Variants in LNPEP observed in about 807,000 individuals in gnomAD.
The protein encoded by LNPEP is leucyl and cystinyl aminopeptidase, also known as leucyl-cystinyl aminopeptidase.
In LNPEP, 64 loss-of-function variants were observed where a neutral mutation model predicts 120.6. That is an observed-to-expected ratio of 0.53 (90% confidence interval 0.43 to 0.65). The LOEUF is 0.65. LNPEP is among the 30% of genes least tolerant of loss of function. LNPEP has a pLI of 0.00. For synonymous variants in LNPEP, 435 were observed against 425.4 expected (o/e 1.02, Z -0.28); for missense variants, 1,057 against 1,200.0 (o/e 0.88, Z 1.76).
At chr5:96,986,207 C>A (rs1357848126) in intron 3 of LNPEP, among the ~76,000 whole-genome samples, 4 of 152,008 alleles carry the variant, frequency 2.6e-5, no homozygotes, top group Non-Finnish European at 4.4e-5. Flanking sequence ...TGGAGCAATC[C>A]CAGGTCATAA....
chr5:96,964,940 C>A (rs1271533490), intron 1 of LNPEP, among the ~76,000 whole-genome samples: 1 of 152,042 alleles, frequency 6.6e-6, no homozygotes, highest in East Asian at 1.9e-4. Context: ...TCTGGTGTTG[C>A]AGTTTTTTGT....
rs145874009 is a variant in LNPEP at position 97,024,191 on chromosome 5, CAT to C, written c.2562-326_2562-325del. Among the ~76,000 whole-genome samples the C allele has an allele frequency of 3.8e-3, 572 of 152,304 alleles. 3 individuals carry two copies. In the Middle Eastern group the frequency reaches 0.054, roughly 14 times the overall value. ...AAACTTATCACACTGAATTGTAATG[CAT>C]ATAGTTATTGCTCTATACTTCGTAG... is the stretch of plus-strand genomic sequence containing the variant. On this transcript the variant is annotated intron_variant, in intron 14 of 17. Coordinates refer to ENST00000231368, the MANE Select transcript of LNPEP (RefSeq NM_005575.3).
chr5:96,986,187 A>T (rs1042405203), intron 3 of LNPEP, among the ~76,000 whole-genome samples: 6 of 152,168 alleles, frequency 3.9e-5, no homozygotes, highest in African/African-American at 1.4e-4. Flanking sequence ...ATGTATTTGT[A>T]GCAGTAGAGT....
At chr5:96,943,507 G>A (rs1329288605) in intron 1 of LNPEP, among the ~76,000 whole-genome samples, 3 of 152,136 alleles carry the variant, frequency 2.0e-5, no homozygotes, top group African/African-American at 4.8e-5. Context: ...GGCTGGTCTC[G>A]AACTCCTGGG....
chr5:97,028,649 T>G lies in LNPEP; in HGVS notation c.*116T>G, dbSNP rs1343110928. 1 of 1,063,994 alleles carries G rather than the reference T, an allele frequency of 9.4e-7. No homozygotes were observed. Among genetic ancestry groups the G allele is most frequent in the Admixed American group, 2.2e-5 (1 of 46,272 alleles). 65.9% of individuals were successfully genotyped at this position (1,063,994 alleles called of 1,614,324 possible). ...ATCGCTGCCAAGTTGTTTGCACTCT[T>G]TGGAGTTCTAGTTAGCTCAGGGCCT... On this transcript the variant is annotated 3_prime_UTR_variant, in exon 18 of 18. Transcript: ENST00000231368.
chr5:97,023,115 T>C (rs1454649622), intron 14 of LNPEP, among the ~76,000 whole-genome samples: 1 of 152,110 alleles, frequency 6.6e-6, no homozygotes, highest in Non-Finnish European at 1.5e-5. Context: ...CTTCCTGTTT[T>C]TGTGAGGTTG....
chr5:96,990,536 AACAATAACT>A (rs1790366228), intron 4 of LNPEP, among the ~76,000 whole-genome samples: 1 of 152,312 alleles, frequency 6.6e-6, no homozygotes, highest in East Asian at 1.9e-4. Flanking sequence ...TATTTGTAAT[AACAATAACT>A]ACCATTTATT....
rs1790212829 is a variant in LNPEP at position 96,985,177 on chromosome 5, A to G, written c.958A>G (p.Ile320Val). 1.2e-6 allele frequency: 2 copies of G among 1,613,936 alleles called. No homozygotes were observed. The highest frequency in any genetic ancestry group is 1.3e-5 in the African/African-American group (1 of 75,042). Residue 320 changes from isoleucine (I) to valine (V), a missense_variant, in exon 3 of 18, where the codon ATA becomes GTA. Ile to Val is a conservative substitution (Grantham distance 29). Transcript: ENST00000231368. ...AFKATFIIKI[I>V]RDEQYTALSN... ...TAAAGCCACTTTTATCATCAAGATC[A>G]TAAGGGATGAGCAATACACCGCTTT...
chr5:97,007,591 T>C (rs1446251610), intron 11 of LNPEP, among the ~76,000 whole-genome samples: 1 of 152,190 alleles, frequency 6.6e-6, no homozygotes, highest in East Asian at 1.9e-4. Context: ...GCAAATCTTA[T>C]TACCCTATCA....
rs762714608 is a variant in LNPEP, at chr5:96,996,474, T to C, written c.1492T>C (p.Leu498=). The C allele has an allele frequency of 6.2e-7, 1 of 1,602,254 alleles. No individual in the cohort carries two copies. Among genetic ancestry groups the C allele is most frequent in the East Asian group, 2.2e-5 (1 of 44,662 alleles). ...TGCCACTTTCATGGAGTATTTCTCT[T>C]TGGAAAAAATATTCAAAGAGCTTTC... ...GFATFMEYFS[L]EKIFKELSSY... The change falls in exon 7 of 18, where the codon TTG becomes CTG. Residue 498 remains leucine, a synonymous_variant. Transcript: ENST00000231368.
At chr5:96,941,454 A>G (rs999708857) in intron 1 of LNPEP, among the ~76,000 whole-genome samples, 2 of 152,152 alleles carry the variant, frequency 1.3e-5, no homozygotes, top group Non-Finnish European at 2.9e-5. Context: ...AACCAGAAAG[A>G]CACAGTCTTT....
intron 11 of LNPEP, among the ~76,000 whole-genome samples, chr5:97,008,766 G>GTCATTCTCCTGCCTCAGCC (rs1790854253): frequency 6.8e-6 from 1 of 147,890 alleles, no homozygotes; most frequent in African/African-American, 2.5e-5. Context: ...CCGGGTTCAC[G>GTCATTCTCCTGCCTCAGCC]TCATTCTCCT....
chr5:97,003,309 A>T, intron 8 of LNPEP, 106 bp from the exon 9 acceptor site: 1 of 658,110 alleles, frequency 1.5e-6, no homozygotes. Flanking sequence ...TCTACATATG[A>T]AAGTAAATTT....
chr5:96,993,734 T>C (rs1790446334), intron 5 of LNPEP, 83 bp from the exon 6 acceptor site: 4 of 1,264,120 alleles, frequency 3.2e-6, no homozygotes, highest in African/African-American at 1.5e-5. Flanking sequence ...GCTTTCACAG[T>C]GATAAACCAT....
intron 16 of LNPEP, 97 bp from the exon 17 acceptor site, chr5:97,027,636 C>G (rs1056798138): frequency 5.3e-6 from 4 of 753,406 alleles, no homozygotes; most frequent in Non-Finnish European, 9.2e-6. Context: ...GAGGATTCCA[C>G]TCTGGCTTTG....
chr5:96,976,417 G>A (rs1241365101), intron 1 of LNPEP, among the ~76,000 whole-genome samples: 1 of 152,136 alleles, frequency 6.6e-6, no homozygotes, highest in African/African-American at 2.4e-5. Flanking sequence ...CTTGTCAGAA[G>A]ATTTGAAATT....
intron 4 of LNPEP, among the ~76,000 whole-genome samples, chr5:96,989,306 TTGTATATTA>T (rs1314327538): frequency 1.3e-4 from 8 of 60,536 alleles, no homozygotes; most frequent in African/African-American, 4.5e-4. Flanking sequence ...ATATAATATA[TTGTATATTA>T]TATATAATAT....
chr5:96,990,316 C>T (rs1269325611), intron 4 of LNPEP, among the ~76,000 whole-genome samples: 1 of 152,150 alleles, frequency 6.6e-6, no homozygotes, highest in Non-Finnish European at 1.5e-5. Flanking sequence ...GCTGTGGTCA[C>T]AGTCCTGTAT....
At chr5:96,997,311 G>A (rs777358261) in intron 7 of LNPEP, among the ~76,000 whole-genome samples, 52 of 152,010 alleles carry the variant, frequency 3.4e-4, no homozygotes, top group Admixed American at 2.0e-3. Flanking sequence ...ATTTTAGATA[G>A]GGCTTGTTGA....
Sources: allele counts gnomAD v4.1 joint callset (sites outside exome capture counted in the v4.1 genomes callset), GRCh38; gene constraint gnomAD v4.1.1; transcripts MANE v1.5; gene names NCBI Gene and HGNC (gene_info 2026-07-23, HGNC 2026-07-21).